SPECC1: variants seen among roughly 807,000 people sequenced by gnomAD.
SPECC1 encodes the protein cytospin-B.
A neutral mutation model predicts 104.1 loss-of-function variants in SPECC1; 62 were observed. The ratio of observed to expected loss-of-function variants is 0.60; its 90% confidence interval spans 0.49 to 0.74. The LOEUF (loss-of-function observed/expected upper bound fraction) is 0.74. Ranked by LOEUF, SPECC1 falls within the 30% of genes least tolerant of loss-of-function variation. The probability of loss-of-function intolerance (pLI) is 0.00; values close to 1 mark genes in which losing one functional copy is unlikely to be tolerated. For missense variants in SPECC1, 1,306 were observed against 1,310.5 expected (o/e 1.00, Z 0.05); for synonymous variants, 513 against 501.6 (o/e 1.02, Z -0.30).
At chr17:20,103,699 C>T (rs1262198041) in intron 2 of SPECC1, among the ~76,000 whole-genome samples, 2 of 152,164 alleles carry the variant, frequency 1.3e-5, no homozygotes, top group Non-Finnish European at 1.5e-5. Flanking sequence ...TCCCTAGGAG[C>T]ATGGCATCCC....
At chr17:20,163,605 G>A (rs1283554506) in intron 3 of SPECC1, among the ~76,000 whole-genome samples, 2 of 149,848 alleles carry the variant, frequency 1.3e-5, no homozygotes, top group Non-Finnish European at 2.9e-5. Context: ...CTGTCACACA[G>A]GCTGGAGTGC....
chr17:20,136,713 T>C (rs1032085795), intron 3 of SPECC1, among the ~76,000 whole-genome samples: 1 of 152,222 alleles, frequency 6.6e-6, no homozygotes, highest in Non-Finnish European at 1.5e-5. Flanking sequence ...CACACCATTC[T>C]GCACGTGCGC....
At chr17:20,271,213 T>C (rs9899514) in intron 12 of SPECC1, among the ~76,000 whole-genome samples, 29,602 of 151,966 alleles carry the variant, frequency 0.19, 3,087 homozygotes, top group African/African-American at 0.26. Flanking sequence ...GTCACCTTGC[T>C]GATTTTTTTT....
intron 3 of SPECC1, among the ~76,000 whole-genome samples, chr17:20,144,175 C>CTTT (rs1168474738): frequency 2.3e-4 from 22 of 94,370 alleles, no homozygotes; most frequent in African/African-American, 3.8e-4. Flanking sequence ...TTTTTCTTTT[C>CTTT]TTTTTTTTTT....
chr17:20,135,902 C>G (rs2029901676), intron 3 of SPECC1, among the ~76,000 whole-genome samples: 1 of 152,212 alleles, frequency 6.6e-6, no homozygotes, highest in Non-Finnish European at 1.5e-5. Flanking sequence ...TGACTTTGTT[C>G]TGTCCTCTTG....
intron 3 of SPECC1, among the ~76,000 whole-genome samples, chr17:20,135,058 C>G (rs1330112858): frequency 6.6e-6 from 1 of 152,140 alleles, no homozygotes; most frequent in African/African-American, 2.4e-5. Flanking sequence ...AAAACATGAT[C>G]AGATCTCTTA....
intron 12 of SPECC1, among the ~76,000 whole-genome samples, chr17:20,286,692 C>A (rs1040744837): frequency 1.3e-5 from 2 of 152,218 alleles, no homozygotes; most frequent in African/African-American, 4.8e-5. Context: ...TGGCCCTGCC[C>A]ACACGAGTAC....
chr17:20,134,393 A>G (rs1721262732), intron 3 of SPECC1, among the ~76,000 whole-genome samples: 1 of 137,448 alleles, frequency 7.3e-6, no homozygotes, highest in Non-Finnish European at 1.6e-5. Flanking sequence ...TGACCAACCC[A>G]CCCCTCTGCA....
At chr17:20,236,857 C>T (rs2151500335) in intron 7 of SPECC1, 1 of 1,613,884 alleles carries the variant, frequency 6.2e-7, no homozygotes, top group Non-Finnish European at 8.5e-7. Context: ...TCTATTTTCA[C>T]AGCTCCCTGG....
At chr17:20,095,415 C>T (rs1003777209) in intron 1 of SPECC1, among the ~76,000 whole-genome samples, 3 of 152,314 alleles carry the variant, frequency 2.0e-5, no homozygotes, top group Admixed American at 6.5e-5. Context: ...TTCACAGAGC[C>T]GCTGCCATCA....
intron 3 of SPECC1, among the ~76,000 whole-genome samples, chr17:20,128,465 C>T (rs763061268): frequency 1.3e-5 from 2 of 152,090 alleles, no homozygotes; most frequent in Non-Finnish European, 2.9e-5. Context: ...AAGGAGGGAG[C>T]AGGAAGCAGG....
At chr17:20,112,210 A>G (rs1188246739) in intron 3 of SPECC1, 1 of 763,976 alleles carries the variant, frequency 1.3e-6, no homozygotes, top group Non-Finnish European at 2.4e-6. Context: ...GGAAATAAGC[A>G]AGATCACAGA....
chr17:20,215,243 G>C (rs1426016751), intron 4 of SPECC1, among the ~76,000 whole-genome samples: 1 of 152,232 alleles, frequency 6.6e-6, no homozygotes, highest in Non-Finnish European at 1.5e-5. Context: ...TTTGTGAGGA[G>C]CCTCCACAGT....
chr17:20,124,903 A>G (rs1353157966), intron 3 of SPECC1, among the ~76,000 whole-genome samples: 1 of 152,196 alleles, frequency 6.6e-6, no homozygotes, highest in Non-Finnish European at 1.5e-5. Context: ...ATTGCAGGCC[A>G]GGCGCGGTGG....
At chr17:20,149,655 C>T (rs1287070950) in intron 3 of SPECC1, among the ~76,000 whole-genome samples, 1 of 152,102 alleles carries the variant, frequency 6.6e-6, no homozygotes, top group Non-Finnish European at 1.5e-5. Context: ...TATCCTTTTG[C>T]TGTCATATAT....
At chr17:20,082,975 TTCGTTCGTTC>T (rs2047036740) in intron 1 of SPECC1, among the ~76,000 whole-genome samples, 1 of 150,506 alleles carries the variant, frequency 6.6e-6, no homozygotes, top group Non-Finnish European at 1.5e-5. Context: ...CGTTCGTTCG[TTCGTTCGTTC>T]GTTCGTTCGT....
At chr17:20,176,418 T>C (rs1281923778) in intron 3 of SPECC1, among the ~76,000 whole-genome samples, 1 of 152,226 alleles carries the variant, frequency 6.6e-6, no homozygotes, top group Admixed American at 6.5e-5. Flanking sequence ...CGTGTCCCTC[T>C]CCTTCTCCCA....
intron 7 of SPECC1, chr17:20,238,757 TAAG>T: frequency 9.6e-7 from 1 of 1,043,606 alleles, no homozygotes; most frequent in Non-Finnish European, 1.2e-6. Context: ...GTATAAACAA[TAAG>T]AAAACTGCAA....
At chr17:20,090,384 C>T (rs918528884) in intron 1 of SPECC1, among the ~76,000 whole-genome samples, 4 of 152,108 alleles carry the variant, frequency 2.6e-5, no homozygotes, top group Admixed American at 1.3e-4. Context: ...CTGCCCACAC[C>T]TTTGTAAACA....
Sources: allele counts gnomAD v4.1 joint callset (sites outside exome capture counted in the v4.1 genomes callset), GRCh38; gene constraint gnomAD v4.1.1; transcripts MANE v1.5; gene names NCBI Gene and HGNC (gene_info 2026-07-23, HGNC 2026-07-21).